The following ANKRD27 variants were observed in gnomAD, a reference collection of about 807,000 sequenced individuals.
The protein encoded by ANKRD27 is ankyrin repeat domain-containing protein 27.
ANKRD27 carries 112 observed loss-of-function variants against 129.7 expected under a neutral mutation model. The observed-to-expected ratio is 0.86, with a 90% CI of 0.74 to 1.01. The LOEUF (loss-of-function observed/expected upper bound fraction) is 1.01. ANKRD27 is among the 50% of genes least tolerant of loss of function. ANKRD27 has a pLI of 0.00. For synonymous variants in ANKRD27, 516 were observed against 511.2 expected, an observed-to-expected ratio of 1.01 and a Z score of -0.13; for missense variants, 1,258 against 1,300.5, an observed-to-expected ratio of 0.97 and a Z score of 0.50.
intron 1 of ANKRD27, among the ~76,000 whole-genome samples, chr19:32,670,242 T>A (rs1967842153): frequency 6.6e-6 from 1 of 152,246 alleles, no homozygotes; most frequent in South Asian, 2.1e-4. Flanking sequence ...ATCTGCTTTA[T>A]CTTGGACCTC....
Position 32,663,845 on chromosome 19 carries a change from A to C in ANKRD27, c.-30-4800T>G, listed in dbSNP as rs550308134. ...GCCGAGGCGGGCGGATCACGAGGTCAGGAGATCGAGACCATCCCGGCTAAA... is the reference window on the plus strand; with the variant it reads ...GCCGAGGCGGGCGGATCACGAGGTCCGGAGATCGAGACCATCCCGGCTAAA... On this transcript the variant is annotated intron_variant, in intron 1 of 28. Coordinates refer to ENST00000306065, the MANE Select transcript of ANKRD27 (RefSeq NM_032139.3). 5.8e-3 allele frequency among the ~76,000 whole-genome samples: 877 copies of C among 151,990 alleles called. 9 individuals carry two copies. The highest frequency in any genetic ancestry group is 0.017 in the African/African-American group (717 of 41,476).
At chr19:32,666,639 C>CTTTTTTTTTTTTTTT (rs1421941665) in intron 1 of ANKRD27, among the ~76,000 whole-genome samples, 1 of 112,020 alleles carries the variant, frequency 8.9e-6, no homozygotes, top group Non-Finnish European at 1.8e-5. Flanking sequence ...AATCAGATTT[C>CTTTTTTTTTTTTTTT]TATTTTTTTT....
intron 26 of ANKRD27, 40 bp from the exon 27 acceptor site, chr19:32,600,090 A>C: frequency 7.3e-7 from 1 of 1,378,290 alleles, no homozygotes; most frequent in Non-Finnish European, 1.0e-6. Flanking sequence ...CTTCAAAAAC[A>C]GTTGTAAAGA....
At position 32,604,307 on chromosome 19, in the gene ANKRD27, C is replaced by A; in HGVS notation, c.2611G>T (p.Val871Leu). The change falls in exon 25 of 29, where the codon GTG becomes TTG. Residue 871 changes from valine to leucine, a missense_variant. By Grantham distance (32) the Val-to-Leu change is conservative. Coordinates refer to ENST00000306065, the MANE Select transcript of ANKRD27 (RefSeq NM_032139.3). ...LLLLHGASVQ[V>L]LNKRQRTAVD... ...GCCGTGCGCTGCCGCTTGTTCAGCA[C>A]CTGAACTGACGCTCCGTGGAGCAGA... 1 of 1,613,878 alleles carries A rather than the reference C, an allele frequency of 6.2e-7. No homozygotes were observed. The highest frequency in any genetic ancestry group is 8.5e-7 in the Non-Finnish European group (1 of 1,180,010).
At position 32,658,953 on chromosome 19, in the gene ANKRD27, G is replaced by A; in HGVS notation, c.63C>T (p.Arg21=). 1.2e-6 allele frequency: 2 copies of A among 1,614,060 alleles called. No homozygotes were observed. Among genetic ancestry groups the A allele is most frequent in the Non-Finnish European group, 1.7e-6 (2 of 1,180,014 alleles). The change falls in exon 2 of 29, where the codon CGC becomes CGT. Residue 21 remains arginine, a synonymous_variant. Coordinates refer to ENST00000306065, the MANE Select transcript of ANKRD27 (RefSeq NM_032139.3). ...GGGCCACTTTGCTGCACAAGTCAGG[G>A]CGGCACTTTTGCAGAGCCAGATAGA... ...NPFYLALQKC[R]PDLCSKVAQI...
rs776869611 is a variant in ANKRD27 at position 32,639,332 on chromosome 19, G to A, written c.1116+24C>T. ...GGAACCATGATGCCCACAAAGGAAG[G>A]CCAGGGCAGGGGTGAGATCTTACAG... On this transcript the variant is annotated intron_variant, in intron 12 of 28. Coordinates refer to ENST00000306065, the MANE Select transcript of ANKRD27 (RefSeq NM_032139.3). The A allele has an allele frequency of 2.5e-6, 4 of 1,613,838 alleles. No homozygotes were observed. The Admixed American group carries it at 5.0e-5, about 20-fold the overall frequency.
chr19:32,650,632 ATGATT>A (rs1967395601), intron 2 of ANKRD27, among the ~76,000 whole-genome samples: 1 of 151,236 alleles, frequency 6.6e-6, no homozygotes, highest in Admixed American at 6.6e-5. Context: ...TTGAGATCAC[ATGATT>A]GCACTACTCC....
chr19:32,664,055 C>CAAA lies in ANKRD27; in HGVS notation c.-30-5013_-30-5011dup, dbSNP rs869264224. Among the ~76,000 whole-genome samples the CAAA allele has an allele frequency of 5.3e-3, 167 of 31,298 alleles. 5 individuals are homozygous for CAAA. The highest frequency in any genetic ancestry group is 0.015 in the Middle Eastern group (1 of 68). 20.5% of individuals were successfully genotyped at this position (31,298 alleles called of 152,430 possible). ...TGGGCGACAGAGCGAGACTCTGTCT[C>CAAA]AAAAAAAAAAAAAAAAAAAGAAAGA... On this transcript the variant is annotated intron_variant, in intron 1 of 28. Transcript: ENST00000306065.
intron 3 of ANKRD27, among the ~76,000 whole-genome samples, chr19:32,648,170 G>A (rs1369200436): frequency 6.6e-6 from 1 of 152,066 alleles, no homozygotes. Flanking sequence ...GGAGGCTGAG[G>A]CAGGAGAATC....
intron 1 of ANKRD27, among the ~76,000 whole-genome samples, chr19:32,668,732 G>C (rs895127365): frequency 6.6e-6 from 1 of 151,554 alleles, no homozygotes; most frequent in African/African-American, 2.4e-5. Flanking sequence ...TTACAGGCGT[G>C]AGCCACCGTG....
intron 12 of ANKRD27, chr19:32,636,054 C>G (rs1406612730): frequency 6.5e-6 from 1 of 152,916 alleles, no homozygotes; most frequent in Non-Finnish European, 1.5e-5. Context: ...AGACATTGCA[C>G]TGCTGCACCC....
At position 32,642,034 on chromosome 19, in the gene ANKRD27, T is replaced by G; in HGVS notation, c.894A>C (p.Pro298=). The G allele has an allele frequency of 6.3e-7, 1 of 1,599,830 alleles. No homozygotes were observed. Among genetic ancestry groups the G allele is most frequent in the Non-Finnish European group, 8.5e-7 (1 of 1,170,612 alleles). The change falls in exon 10 of 29, where the codon CCA becomes CCC. Residue 298 remains proline, a synonymous_variant. Coordinates refer to ENST00000306065, the MANE Select transcript of ANKRD27 (RefSeq NM_032139.3). ...RKVVQLITQS[P]SQRVNLETMC... ...TTTCCAAGCACAAACCTCTCTGGCT[T>G]GGAGACTGTGTAATGAGCTGCACCA...
At chr19:32,641,271 C>T (rs911848364) in intron 10 of ANKRD27, among the ~76,000 whole-genome samples, 7 of 151,680 alleles carry the variant, frequency 4.6e-5, no homozygotes, top group Non-Finnish European at 8.8e-5. Context: ...CCCCCTTGGA[C>T]GCTGAAAGAG....
chr19:32,624,800 C>T (rs1972065303), intron 17 of ANKRD27, among the ~76,000 whole-genome samples: 1 of 151,460 alleles, frequency 6.6e-6, no homozygotes, highest in Non-Finnish European at 1.5e-5. Flanking sequence ...ATTAGCCAGG[C>T]ATGGTGGTGT....
At chr19:32,661,226 C>CACAA in intron 1 of ANKRD27, among the ~76,000 whole-genome samples, 1 of 149,390 alleles carries the variant, frequency 6.7e-6, no homozygotes, top group African/African-American at 2.5e-5. Context: ...ATTATACACA[C>CACAA]ACACACACAC....
intron 22 of ANKRD27, among the ~76,000 whole-genome samples, chr19:32,610,543 G>C (rs1478802941): frequency 6.7e-6 from 1 of 149,806 alleles, no homozygotes; most frequent in Non-Finnish European, 1.5e-5. Context: ...TATAATCCCA[G>C]CACTTTGGGA....
chr19:32,631,571 G>A (rs988418763), intron 12 of ANKRD27, 77 bp from the exon 13 acceptor site: 24 of 1,175,860 alleles, frequency 2.0e-5, no homozygotes, highest in East Asian at 9.5e-5. Context: ...CAACAACCCC[G>A]GCTGTCTCTT....
intron 12 of ANKRD27, among the ~76,000 whole-genome samples, chr19:32,632,114 C>T (rs1293261860): frequency 6.6e-6 from 1 of 151,924 alleles, no homozygotes; most frequent in East Asian, 1.9e-4. Context: ...CATGGTGAAA[C>T]CAATCTCTAT....
intron 20 of ANKRD27, among the ~76,000 whole-genome samples, 176 bp from the exon 21 acceptor site, chr19:32,617,809 C>T (rs547804378): frequency 6.8e-6 from 1 of 147,182 alleles, no homozygotes; most frequent in South Asian, 2.1e-4. Context: ...GGATGGAGTG[C>T]AGTGGCGCAA....
Sources: allele counts gnomAD v4.1 joint callset (sites outside exome capture counted in the v4.1 genomes callset), GRCh38; gene constraint gnomAD v4.1.1; transcripts MANE v1.5; gene names NCBI Gene and HGNC (gene_info 2026-07-23, HGNC 2026-07-21).